EPHA5: variants seen among roughly 807,000 people sequenced by gnomAD.
The protein encoded by EPHA5 is EPH receptor A5.
A neutral mutation model predicts 105.0 loss-of-function variants in EPHA5; 60 were observed. The observed-to-expected ratio is 0.57, with a 90% CI of 0.46 to 0.71. EPHA5 has a LOEUF of 0.71. Among genes scored for constraint, EPHA5 ranks in the 30% least tolerant of loss-of-function variants. The probability of loss-of-function intolerance (pLI) is 0.00; values close to 1 mark genes in which losing one functional copy is unlikely to be tolerated. For missense variants in EPHA5, 1,218 were observed against 1,274.7 expected (o/e 0.96, Z 0.68); for synonymous variants, 513 against 449.1 (o/e 1.14, Z -1.80).
rs568114032 is a variant in EPHA5, at chr4:65,659,959, G to A, written c.181+9603C>T. Among the ~76,000 whole-genome samples, 4 of 152,178 alleles carry A rather than the reference G, an allele frequency of 2.6e-5. No individual in the cohort carries two copies. In the South Asian group the frequency reaches 6.2e-4, roughly 24 times the overall value. On this transcript the variant is annotated intron_variant, in intron 1 of 16. Coordinates refer to ENST00000613740, the MANE Select transcript of EPHA5 (RefSeq NM_001281766.3). Reference sequence around the variant, plus strand: ...GTAGAGGTGTCGACTTACAATATTAGTAATTTCTAAGAATCTAATTCTTCC... The same window carrying A: ...GTAGAGGTGTCGACTTACAATATTAATAATTTCTAAGAATCTAATTCTTCC...
At chr4:65,395,476 AAT>A (rs1301262984) in intron 8 of EPHA5, among the ~76,000 whole-genome samples, 2 of 152,204 alleles carry the variant, frequency 1.3e-5, no homozygotes, top group Non-Finnish European at 2.9e-5. Flanking sequence ...GCTAAATTTT[AAT>A]ATTATTTTCT....
intron 5 of EPHA5, among the ~76,000 whole-genome samples, chr4:65,473,678 T>C (rs2149167823): frequency 6.6e-6 from 1 of 152,118 alleles, no homozygotes; most frequent in African/African-American, 2.4e-5. Context: ...ATTATGGGGA[T>C]TACAATTGAA....
intron 4 of EPHA5, among the ~76,000 whole-genome samples, chr4:65,491,826 A>G (rs1347647109): frequency 6.6e-6 from 1 of 152,080 alleles, no homozygotes; most frequent in Non-Finnish European, 1.5e-5. Context: ...CTTGATTAGA[A>G]TAATAGAGAG....
intron 8 of EPHA5, among the ~76,000 whole-genome samples, chr4:65,386,280 C>T (rs1720077118): frequency 6.6e-6 from 1 of 151,710 alleles, no homozygotes; most frequent in Non-Finnish European, 1.5e-5. Flanking sequence ...CTCATTAAAT[C>T]TAAAAATAAA....
chr4:65,635,403 T>G (rs572515720), intron 2 of EPHA5, among the ~76,000 whole-genome samples: 33 of 152,108 alleles, frequency 2.2e-4, no homozygotes, highest in Non-Finnish European at 4.3e-4. Flanking sequence ...GATGTTTATA[T>G]TCTTTATTTG....
intron 12 of EPHA5, among the ~76,000 whole-genome samples, chr4:65,352,810 T>C (rs1199165574): frequency 1.3e-5 from 2 of 150,632 alleles, no homozygotes; most frequent in African/African-American, 4.9e-5. Context: ...AATTAAGACA[T>C]ACTTAAATAA....
At chr4:65,576,120 G>GAA (rs1404176571) in intron 3 of EPHA5, among the ~76,000 whole-genome samples, 1 of 116,286 alleles carries the variant, frequency 8.6e-6, no homozygotes, top group Non-Finnish European at 1.9e-5. Context: ...AAAGAAAAAA[G>GAA]AAAAGAAAAG....
At chr4:65,575,315 C>A (rs1740785021) in intron 3 of EPHA5, among the ~76,000 whole-genome samples, 1 of 152,120 alleles carries the variant, frequency 6.6e-6, no homozygotes, top group Admixed American at 6.5e-5. Flanking sequence ...GTTCCATGTA[C>A]CTTCTTCACT....
intron 8 of EPHA5, among the ~76,000 whole-genome samples, chr4:65,375,163 C>A (rs1033934816): frequency 2.0e-5 from 3 of 151,714 alleles, no homozygotes; most frequent in Admixed American, 1.3e-4. Flanking sequence ...GTTTCTTTGG[C>A]TTTAATTTGT....
At chr4:65,588,819 C>G (rs1163063842) in intron 3 of EPHA5, among the ~76,000 whole-genome samples, 1 of 152,058 alleles carries the variant, frequency 6.6e-6, no homozygotes, top group Non-Finnish European at 1.5e-5. Flanking sequence ...TCGGACGGTA[C>G]CAGGTTGAGT....
intron 5 of EPHA5, among the ~76,000 whole-genome samples, chr4:65,434,104 C>T (rs181060628): frequency 1.5e-3 from 233 of 152,160 alleles, no homozygotes; most frequent in African/African-American, 5.3e-3. Context: ...GCCTCTGGTT[C>T]AGTAGTCACA....
intron 3 of EPHA5, among the ~76,000 whole-genome samples, chr4:65,547,490 T>A (rs2149333378): frequency 6.6e-6 from 1 of 152,126 alleles, no homozygotes; most frequent in African/African-American, 2.4e-5. Flanking sequence ...CATGCATTTT[T>A]ATTTTTTTTC....
At chr4:65,657,200 A>C (rs577039596) in intron 1 of EPHA5, among the ~76,000 whole-genome samples, 65 of 152,278 alleles carry the variant, frequency 4.3e-4, no homozygotes, top group African/African-American at 1.5e-3. Flanking sequence ...TAATCCAAGA[A>C]ATCTATAACA....
intron 8 of EPHA5, among the ~76,000 whole-genome samples, chr4:65,398,033 C>A (rs1255909938): frequency 6.6e-6 from 1 of 152,130 alleles, no homozygotes; most frequent in African/African-American, 2.4e-5. Context: ...CTCACCACCC[C>A]CCTTCCAAGT....
chr4:65,344,038 T>C (rs926151073), intron 14 of EPHA5, among the ~76,000 whole-genome samples: 4 of 152,064 alleles, frequency 2.6e-5, no homozygotes, highest in African/African-American at 7.2e-5. Flanking sequence ...AGAGTAAAAA[T>C]AGATGATACT....
intron 5 of EPHA5, among the ~76,000 whole-genome samples, chr4:65,462,254 A>G (rs1450149142): frequency 6.6e-6 from 1 of 152,170 alleles, no homozygotes; most frequent in Non-Finnish European, 1.5e-5. Context: ...GATTATTTAT[A>G]TATTGTCTTT....
chr4:65,408,568 A>G (rs201156334), intron 7 of EPHA5, among the ~76,000 whole-genome samples: 1 of 8,226 alleles, frequency 1.2e-4, no homozygotes, highest in African/African-American at 2.5e-4. Context: ...ACTTTTATGC[A>G]GCCAAAAAAC....
rs556162459 is a variant in EPHA5, at chr4:65,589,143, G to A, written c.910+12498C>T. 1.7e-4 allele frequency among the ~76,000 whole-genome samples: 26 copies of A among 152,170 alleles called. 2 individuals carry two copies. The highest frequency in any genetic ancestry group is 6.3e-4 in the African/African-American group (26 of 41,520). ...AGTATGAACTGGTTTCTAACATTATGTACTGAGAGCAATAACCACTCAGGG... is the reference window on the plus strand; with the variant it reads ...AGTATGAACTGGTTTCTAACATTATATACTGAGAGCAATAACCACTCAGGG... On this transcript the variant is annotated intron_variant, in intron 3 of 16. Coordinates refer to ENST00000613740, the MANE Select transcript of EPHA5 (RefSeq NM_001281766.3).
intron 8 of EPHA5, among the ~76,000 whole-genome samples, chr4:65,374,739 A>G (rs1481390902): frequency 1.3e-5 from 2 of 151,984 alleles, no homozygotes; most frequent in African/African-American, 2.4e-5. Context: ...GACACGAAAA[A>G]CAATGGAATT....
Sources: gnomAD v4.1 joint callset for allele counts (sites outside exome capture counted in the v4.1 genomes callset) on GRCh38, gnomAD v4.1.1 for gene constraint, MANE v1.5 for transcripts, NCBI Gene and HGNC (gene_info 2026-07-23, HGNC 2026-07-21) for gene names.